The following UGT2B15 variants were observed in gnomAD, a reference collection of about 807,000 sequenced individuals.
The protein encoded by UGT2B15 is UDP glucuronosyltransferase family 2 member B15.
Under a neutral mutation model 45.9 loss-of-function variants are expected in UGT2B15, and 36 were observed. The observed-to-expected ratio is 0.78, with a 90% confidence interval of 0.60 to 1.04. The LOEUF is 1.04. UGT2B15 is among the 50% of genes least tolerant of loss of function. UGT2B15 has a pLI of 0.00. For missense variants in UGT2B15, 617 were observed against 622.4 expected (o/e 0.99, Z 0.09); for synonymous variants, 219 against 216.4 (o/e 1.01, Z -0.11).
rs201717195 is a variant in UGT2B15 at position 68,669,936 on chromosome 4, T to C, written c.683A>G (p.Tyr228Cys). 2.5e-6 allele frequency: 4 copies of C among 1,613,194 alleles called. No individual in the cohort carries two copies. The highest frequency in any genetic ancestry group is 3.4e-6 in the Non-Finnish European group (4 of 1,179,814). ...AAACTGGTCCCACTTCTTCAGATCA[T>C]AAATTTGAAACCAAAAGTCAAAATA... ...MLYFDFWFQI[Y>C]DLKKWDQFYS... Residue 228 changes from tyrosine (Y) to cysteine (C), a missense_variant, in exon 1 of 6, where the codon TAT becomes TGT. By Grantham distance (194) the Tyr-to-Cys change is radical. Coordinates refer to ENST00000338206, the MANE Select transcript of UGT2B15 (RefSeq NM_001076.4).
intron 2 of UGT2B15, among the ~76,000 whole-genome samples, chr4:68,667,514 T>C (rs1356887903): frequency 6.6e-6 from 1 of 152,054 alleles, no homozygotes; most frequent in East Asian, 1.9e-4. Context: ...CCCCTCATCG[T>C]TTCACCTATC....
intron 1 of UGT2B15, 122 bp from the exon 2 acceptor site, chr4:68,668,310 C>T: frequency 1.4e-6 from 2 of 1,395,808 alleles, no homozygotes; most frequent in South Asian, 1.6e-5. Context: ...AATGTCTGTG[C>T]ATTGATAAAA....
At chr4:68,651,061 A>G (rs1303566998) in intron 5 of UGT2B15, among the ~76,000 whole-genome samples, 5 of 139,358 alleles carry the variant, frequency 3.6e-5, no homozygotes, top group Non-Finnish European at 7.6e-5. Context: ...GACCTTTGTC[A>G]GAGGGATAGA....
rs1339293019 is a variant in UGT2B15 at position 68,670,107 on chromosome 4, T to C, written c.512A>G (p.Tyr171Cys). 4.3e-6 allele frequency: 7 copies of C among 1,613,988 alleles called. No individual in the cohort carries two copies. Among genetic ancestry groups the C allele is most frequent in the Non-Finnish European group, 5.9e-6 (7 of 1,179,992 alleles). ...LAELFNIPFL[Y>C]SLRFSVGYTF... ...GTAGCCAACAGAGAATCGAAGACTGTACAGAAAGGGTATGTTAAATAGTTC... is the reference window on the plus strand; with the variant it reads ...GTAGCCAACAGAGAATCGAAGACTGCACAGAAAGGGTATGTTAAATAGTTC... Residue 171 changes from tyrosine (Y) to cysteine (C), a missense_variant, in exon 1 of 6, where the codon TAC becomes TGC. By Grantham distance (194) the Tyr-to-Cys change is radical (BLOSUM62 -2). Around this residue, in one of 3 missense-constraint regions of UGT2B15, gnomAD observed 351 missense variants for 342.1 expected, o/e 1.03. Transcript: ENST00000338206.
chr4:68,650,310 C>G (rs1732613412), intron 5 of UGT2B15, among the ~76,000 whole-genome samples: 1 of 151,928 alleles, frequency 6.6e-6, no homozygotes. Flanking sequence ...ACTCTCACTC[C>G]CCTTCCATCC....
chr4:68,651,277 G>C (rs1401676486), intron 5 of UGT2B15, among the ~76,000 whole-genome samples: 1 of 151,916 alleles, frequency 6.6e-6, no homozygotes, highest in Non-Finnish European at 1.5e-5. Flanking sequence ...GAGTTTTTAT[G>C]GTTTTGGGTT....
chr4:68,651,183 T>C (rs1257298674), intron 5 of UGT2B15, among the ~76,000 whole-genome samples: 1 of 152,082 alleles, frequency 6.6e-6, no homozygotes, highest in Non-Finnish European at 1.5e-5. Flanking sequence ...ATTTTGGCTT[T>C]TGTTGCAATT....
intron 5 of UGT2B15, among the ~76,000 whole-genome samples, chr4:68,651,333 G>A (rs576305976): frequency 2.0e-5 from 3 of 152,156 alleles, no homozygotes; most frequent in East Asian, 3.9e-4. Context: ...TTTGTATAAG[G>A]TGTAAGGCAG....
intron 5 of UGT2B15, among the ~76,000 whole-genome samples, chr4:68,648,608 T>A (rs1489103965): frequency 6.6e-6 from 1 of 152,050 alleles, no homozygotes; most frequent in East Asian, 1.9e-4. Flanking sequence ...ATAGGATAAA[T>A]GTATATATAC....
Position 68,647,264 on chromosome 4 carries a change from C to A in UGT2B15, c.1433G>T (p.Arg478Leu). 6.2e-7 allele frequency: 1 copy of A among 1,613,950 alleles called. No homozygotes were observed. Among genetic ancestry groups the A allele is most frequent in the African/African-American group, 1.3e-5 (1 of 74,972 alleles). The change falls in exon 6 of 6, where the codon CGA becomes CTA. Residue 478 changes from arginine (R) to leucine (L), a missense_variant. This residue lies in a region of UGT2B15 where 265 missense variants were observed against 245.1 expected (regional missense o/e 1.08). Transcript: ENST00000338206. ...CCAGGTGAGGTTGTGAGCTGCGACT[C>A]GAAGGTGCTTGGCTCCTTTGTGGCG... ...VMRHKGAKHL[R>L]VAAHNLTWIQ...
rs368923824 is a variant in UGT2B15 at position 68,667,834 on chromosome 4, A to G, written c.873+206T>C. Among the ~76,000 whole-genome samples, 22 of 152,214 alleles carry G rather than the reference A, an allele frequency of 1.4e-4. No individual in the cohort carries two copies. In the East Asian group the frequency reaches 4.3e-3, roughly 29 times the overall value. On this transcript the variant is annotated intron_variant, in intron 2 of 5. Transcript: ENST00000338206. Reference sequence around the variant, plus strand: ...TACTTTAACCAACCCTGTTTTCAAAATCTCCCTAGTAAACCTCTTTGGTCT... The same window carrying G: ...TACTTTAACCAACCCTGTTTTCAAAGTCTCCCTAGTAAACCTCTTTGGTCT...
At chr4:68,666,394 A>T (rs1023017908) in intron 2 of UGT2B15, among the ~76,000 whole-genome samples, 2 of 152,194 alleles carry the variant, frequency 1.3e-5, no homozygotes, top group Non-Finnish European at 2.9e-5. Context: ...AATTTAAAGT[A>T]TTAAAAATAA....
At chr4:68,657,479 A>G (rs946340910) in intron 3 of UGT2B15, among the ~76,000 whole-genome samples, 4 of 152,122 alleles carry the variant, frequency 2.6e-5, no homozygotes, top group African/African-American at 9.7e-5. Context: ...TTCACCACAC[A>G]TAAACCCTAG....
chr4:68,665,912 T>C (rs1302721629), intron 2 of UGT2B15, among the ~76,000 whole-genome samples: 1 of 152,058 alleles, frequency 6.6e-6, no homozygotes, highest in African/African-American at 2.4e-5. Flanking sequence ...TCAGATGTGT[T>C]GGCAGGTGCC....
At chr4:68,669,377 G>A (rs989238214) in intron 1 of UGT2B15, among the ~76,000 whole-genome samples, 14 of 152,028 alleles carry the variant, frequency 9.2e-5, no homozygotes, top group African/African-American at 3.4e-4. Flanking sequence ...TCAAGTTTTA[G>A]GCTTCTGTTT....
chr4:68,655,725 T>G (rs1732784341), intron 3 of UGT2B15, among the ~76,000 whole-genome samples: 1 of 152,140 alleles, frequency 6.6e-6, no homozygotes, highest in East Asian at 1.9e-4. Context: ...GTTCATCTTA[T>G]ATATGTTGAT....
chr4:68,653,131 T>C (rs1433425343), intron 5 of UGT2B15, among the ~76,000 whole-genome samples: 2 of 152,156 alleles, frequency 1.3e-5, no homozygotes, highest in East Asian at 3.9e-4. Context: ...CAATTTCCCA[T>C]ATGTCTCAGC....
chr4:68,655,492 GT>G (rs1732777993), intron 3 of UGT2B15, among the ~76,000 whole-genome samples: 1 of 152,080 alleles, frequency 6.6e-6, no homozygotes, highest in Non-Finnish European at 1.5e-5. Flanking sequence ...AAAGGGAAAA[GT>G]TAAGCTGCTT....
chr4:68,660,250 G>T (rs1366060053), intron 3 of UGT2B15, among the ~76,000 whole-genome samples: 1 of 150,440 alleles, frequency 6.6e-6, no homozygotes, highest in East Asian at 1.9e-4. Context: ...TGGGAAAACT[G>T]GCCTCATACC....
Sources: gnomAD v4.1 joint callset for allele counts (sites outside exome capture counted in the v4.1 genomes callset) on GRCh38, gnomAD v4.1.1 for gene constraint, gnomAD v4.1.1 regional missense constraint, MANE v1.5 for transcripts, NCBI Gene and HGNC (gene_info 2026-07-23, HGNC 2026-07-21) for gene names.